The following CHRM2 variants were observed in gnomAD, a reference collection of about 807,000 sequenced individuals.
CHRM2 encodes muscarinic acetylcholine receptor M2.
A neutral mutation model predicts 25.0 loss-of-function variants in CHRM2; 8 were observed. The ratio of observed to expected loss-of-function variants is 0.32; its 90% CI spans 0.19 to 0.58. CHRM2 has a LOEUF of 0.58. CHRM2 is among the 20% of genes least tolerant of loss of function. The pLI is 0.88. For missense variants in CHRM2, 440 were observed against 567.1 expected (o/e 0.78, Z 2.28); for synonymous variants, 202 against 205.7 (o/e 0.98, Z 0.15).
intron 2 of CHRM2, among the ~76,000 whole-genome samples, chr7:136,947,272 A>G (rs139698071): frequency 1.3e-5 from 2 of 152,308 alleles, no homozygotes; most frequent in African/African-American, 4.8e-5. Flanking sequence ...ACATTAAAAG[A>G]CAGATATTTG....
chr7:136,932,245 AACTG>A (rs1335510089), intron 2 of CHRM2, among the ~76,000 whole-genome samples: 1 of 152,250 alleles, frequency 6.6e-6, no homozygotes, highest in Non-Finnish European at 1.5e-5. Context: ...AAACTAATGA[AACTG>A]ACTAAGGAGG....
At chr7:136,982,202 A>G (rs1189660159) in intron 2 of CHRM2, among the ~76,000 whole-genome samples, 1 of 152,004 alleles carries the variant, frequency 6.6e-6, no homozygotes, top group Admixed American at 6.6e-5. Context: ...TATGTAATAT[A>G]CTTCTTCGTC....
chr7:136,890,666 A>G (rs1038413618), intron 2 of CHRM2, among the ~76,000 whole-genome samples: 11 of 152,152 alleles, frequency 7.2e-5, no homozygotes, highest in African/African-American at 2.7e-4. Context: ...TAGCCTGAAG[A>G]GGATGCAGTG....
intron 2 of CHRM2, among the ~76,000 whole-genome samples, chr7:136,894,397 A>G (rs1350895320): frequency 6.6e-6 from 1 of 152,096 alleles, no homozygotes; most frequent in African/African-American, 2.4e-5. Context: ...TTGAGACAGG[A>G]GTCTCGCTTT....
chr7:136,905,521 A>G (rs1314918016), intron 2 of CHRM2, among the ~76,000 whole-genome samples: 2 of 151,750 alleles, frequency 1.3e-5, no homozygotes, highest in Non-Finnish European at 3.0e-5. Flanking sequence ...TGTTCAGTAC[A>G]CTTTGCTTGT....
At chr7:136,945,864 T>A (rs1233473683) in intron 2 of CHRM2, among the ~76,000 whole-genome samples, 1 of 152,120 alleles carries the variant, frequency 6.6e-6, no homozygotes, top group African/African-American at 2.4e-5. Flanking sequence ...CACTAAGCAA[T>A]TCCTATCTTA....
chr7:136,897,068 A>G (rs577926550), intron 2 of CHRM2, among the ~76,000 whole-genome samples: 1 of 151,696 alleles, frequency 6.6e-6, no homozygotes, highest in African/African-American at 2.4e-5. Flanking sequence ...ATAAATATTA[A>G]AGAGCAGAAT....
chr7:136,985,566 G>A (rs928476370), intron 2 of CHRM2, among the ~76,000 whole-genome samples: 2 of 149,838 alleles, frequency 1.3e-5, no homozygotes, highest in Non-Finnish European at 3.0e-5. Flanking sequence ...CCTGAGTCAT[G>A]GCATTGAAGA....
intron 3 of CHRM2, among the ~76,000 whole-genome samples, chr7:137,009,963 A>G (rs1383649018): frequency 6.6e-6 from 1 of 151,832 alleles, no homozygotes; most frequent in African/African-American, 2.4e-5. Flanking sequence ...TTTTCTGTTC[A>G]CTCTTAAGAA....
chr7:136,910,901 G>T (rs1797809933), intron 2 of CHRM2, among the ~76,000 whole-genome samples: 1 of 151,186 alleles, frequency 6.6e-6, no homozygotes. Flanking sequence ...CATTCCAAAT[G>T]GTGTATTTTA....
At chr7:136,898,478 T>C (rs1051457062) in intron 2 of CHRM2, among the ~76,000 whole-genome samples, 4 of 151,158 alleles carry the variant, frequency 2.6e-5, no homozygotes, top group Non-Finnish European at 5.9e-5. Context: ...GAATTGACTA[T>C]TCAATTGCAT....
chr7:136,875,900 C>T (rs1584682918), intron 2 of CHRM2, among the ~76,000 whole-genome samples: 1 of 152,282 alleles, frequency 6.6e-6, no homozygotes, highest in Non-Finnish European at 1.5e-5. Flanking sequence ...TCCTCCTCCT[C>T]TTCCTCCTCT....
At chr7:136,929,781 A>T (rs1477471050) in intron 2 of CHRM2, among the ~76,000 whole-genome samples, 1 of 152,190 alleles carries the variant, frequency 6.6e-6, no homozygotes, top group African/African-American at 2.4e-5. Context: ...GCTTTCAAAC[A>T]GTAAAGAAAA....
Position 137,015,179 on chromosome 7 carries a change from T to C in CHRM2, c.314T>C (p.Val105Ala). The C allele has an allele frequency of 2.5e-6, 4 of 1,613,568 alleles. No individual in the cohort carries two copies. Among genetic ancestry groups the C allele is most frequent in the Non-Finnish European group, 3.4e-6 (4 of 1,179,674 alleles). The change falls in exon 4 of 4, where the codon GTG becomes GCG. Residue 105 changes from valine (V) to alanine (A), a missense_variant. Val to Ala is a moderately conservative substitution (Grantham distance 64). Around this residue, in one of 5 missense-constraint regions of CHRM2, gnomAD observed 86 missense variants for 124.9 expected, o/e 0.69. Transcript: ENST00000680005. This position sits in a 1 kb window ranked among gnomAD's most constrained non-coding sequence, Gnocchi z 5.1. ...GACCTTTGGCTAGCCCTGGACTATGTGGTCAGCAATGCCTCAGTTATGAAT... is the reference window on the plus strand; with the variant it reads ...GACCTTTGGCTAGCCCTGGACTATGCGGTCAGCAATGCCTCAGTTATGAAT... ...VCDLWLALDY[V>A]VSNASVMNLL...
intron 2 of CHRM2, among the ~76,000 whole-genome samples, chr7:136,888,079 T>G (rs909379628): frequency 6.6e-6 from 1 of 152,216 alleles, no homozygotes; most frequent in Non-Finnish European, 1.5e-5. Flanking sequence ...GACTCCACTT[T>G]CCTCAGGGCT....
chr7:136,994,608 G>A (rs755397204), intron 3 of CHRM2, among the ~76,000 whole-genome samples: 43 of 127,822 alleles, frequency 3.4e-4, no homozygotes, highest in Non-Finnish European at 9.4e-5. Flanking sequence ...TCGGCTCACC[G>A]CAACCTCCTC....
intron 3 of CHRM2, among the ~76,000 whole-genome samples, chr7:137,014,130 C>A (rs1805011668): frequency 6.6e-6 from 1 of 151,830 alleles, no homozygotes; most frequent in African/African-American, 2.4e-5. Context: ...GTTCAATATG[C>A]ATTTAATAAG....
At chr7:136,980,590 T>C (rs1276381035) in intron 2 of CHRM2, among the ~76,000 whole-genome samples, 1 of 152,240 alleles carries the variant, frequency 6.6e-6, no homozygotes, top group African/African-American at 2.4e-5. Context: ...TTGTCATAAA[T>C]AGCTCTTATT....
chr7:137,001,047 T>G (rs1804001212), intron 3 of CHRM2, among the ~76,000 whole-genome samples: 1 of 152,178 alleles, frequency 6.6e-6, no homozygotes, highest in Non-Finnish European at 1.5e-5. Flanking sequence ...AAATTAAACT[T>G]TATTCAAGAG....
Sources: allele counts gnomAD v4.1 joint callset (sites outside exome capture counted in the v4.1 genomes callset), GRCh38; gene constraint gnomAD v4.1.1; regional missense constraint gnomAD v4.1.1; non-coding constraint Gnocchi (gnomAD v3.1); transcripts MANE v1.5; gene names NCBI Gene and HGNC (gene_info 2026-07-23, HGNC 2026-07-21).